Variants in RAB7A observed in about 807,000 individuals in gnomAD.
RAB7A encodes RAB7A, member RAS oncogene family, also known as ras-related protein Rab-7a.
RAB7A carries 2 observed loss-of-function variants against 24.5 expected under a neutral mutation model. That is an observed-to-expected ratio of 0.08 (90% CI 0.03 to 0.26). RAB7A has a LOEUF of 0.26. RAB7A is among the 10% of genes least tolerant of loss of function. The pLI is 1.00. For synonymous variants in RAB7A, 100 were observed against 95.9 expected (o/e 1.04, Z -0.25); for missense variants, 118 against 255.7 (o/e 0.46, Z 3.67).
chr3:128,750,203 T>C (rs897386032), intron 1 of RAB7A, among the ~76,000 whole-genome samples: 1 of 152,222 alleles, frequency 6.6e-6, no homozygotes, highest in African/African-American at 2.4e-5. Flanking sequence ...GCCCCTGACC[T>C]AGAAATTTGT....
At chr3:128,786,336 A>G (rs1933341230) in intron 1 of RAB7A, among the ~76,000 whole-genome samples, 1 of 152,194 alleles carries the variant, frequency 6.6e-6, no homozygotes. Flanking sequence ...TACAACAGAC[A>G]CTGCTGTTCT....
chr3:128,748,203 C>T (rs909417796), intron 1 of RAB7A, among the ~76,000 whole-genome samples: 1 of 152,200 alleles, frequency 6.6e-6, no homozygotes, highest in Non-Finnish European at 1.5e-5. Flanking sequence ...CTAAGATTAT[C>T]GTTGGGGACA....
chr3:128,779,002 A>G (rs943512974), intron 1 of RAB7A, among the ~76,000 whole-genome samples: 10 of 152,248 alleles, frequency 6.6e-5, no homozygotes, highest in Admixed American at 6.5e-4. Flanking sequence ...AAGATGGAAC[A>G]CTGCATAGGA....
intron 1 of RAB7A, among the ~76,000 whole-genome samples, chr3:128,743,886 T>C (rs2107587527): frequency 6.6e-6 from 1 of 151,380 alleles, no homozygotes; most frequent in East Asian, 1.9e-4. Context: ...ATCTCCTGGG[T>C]TCAAGCGATT....
At chr3:128,784,863 T>A (rs764485093) in intron 1 of RAB7A, among the ~76,000 whole-genome samples, 4 of 152,196 alleles carry the variant, frequency 2.6e-5, no homozygotes, top group Non-Finnish European at 5.9e-5. Context: ...ACTTTTGCCC[T>A]TGGTATATGT....
intron 1 of RAB7A, among the ~76,000 whole-genome samples, chr3:128,770,845 T>TA (rs1000250039): frequency 3.3e-5 from 5 of 152,180 alleles, no homozygotes; most frequent in African/African-American, 9.7e-5. Flanking sequence ...ATTTTTTTTT[T>TA]AACATAAAGC....
intron 1 of RAB7A, among the ~76,000 whole-genome samples, chr3:128,788,572 A>AC (rs925468457): frequency 2.6e-5 from 4 of 152,152 alleles, no homozygotes; most frequent in Middle Eastern, 3.4e-3. Flanking sequence ...CTTGGGGCCT[A>AC]CCCCCCATGG....
chr3:128,804,941 G>A (rs1326320124), intron 3 of RAB7A, among the ~76,000 whole-genome samples: 1 of 152,210 alleles, frequency 6.6e-6, no homozygotes, highest in Non-Finnish European at 1.5e-5. Flanking sequence ...CCCATCTGCT[G>A]TTGCCAGAGT....
rs2712400 is a variant in RAB7A at position 128,734,680 on chromosome 3, T to G, written c.-9+8321T>G. Among the ~76,000 whole-genome samples, 7 of 152,192 alleles carry G rather than the reference T, an allele frequency of 4.6e-5. No individual in the cohort carries two copies. The East Asian group carries it at 1.4e-3, about 29-fold the overall frequency. The stretch of plus-strand genomic sequence containing the variant: ...CAACTCTCTTTTTTGGTCAGACACT[T>G]GAGCCCTTAGAATATCACATTCTAT... On this transcript the variant is annotated intron_variant, in intron 1 of 5. Coordinates refer to ENST00000265062, the MANE Select transcript of RAB7A (RefSeq NM_004637.6).
At chr3:128,748,061 C>T (rs894508408) in intron 1 of RAB7A, among the ~76,000 whole-genome samples, 2 of 152,222 alleles carry the variant, frequency 1.3e-5, no homozygotes, top group African/African-American at 2.4e-5. Context: ...AGCCACTGTG[C>T]CCGGCCAGCA....
chr3:128,751,280 A>G (rs2070678723), intron 1 of RAB7A, among the ~76,000 whole-genome samples: 1 of 152,144 alleles, frequency 6.6e-6, no homozygotes, highest in Non-Finnish European at 1.5e-5. Flanking sequence ...AACAGCTTGC[A>G]CCATCCACTT....
intron 3 of RAB7A, among the ~76,000 whole-genome samples, chr3:128,802,661 C>T (rs1195278000): frequency 2.6e-5 from 4 of 151,794 alleles, no homozygotes; most frequent in African/African-American, 9.7e-5. Context: ...GTGTGTGCCA[C>T]CACGCCCAGC....
intron 1 of RAB7A, among the ~76,000 whole-genome samples, chr3:128,767,147 G>T (rs1371073172): frequency 6.6e-6 from 1 of 152,124 alleles, no homozygotes; most frequent in Admixed American, 6.6e-5. Context: ...AATCCGAGTG[G>T]CTCAGCCTCT....
chr3:128,776,945 TACACACACACACACACAC>T (rs71153145), intron 1 of RAB7A, among the ~76,000 whole-genome samples: 48 of 142,448 alleles, frequency 3.4e-4, no homozygotes, highest in African/African-American at 8.0e-4. Flanking sequence ...TTAGTTGAGC[TACACACACACACACACAC>T]ACACACACAC....
At chr3:128,778,251 T>A (rs1283710018) in intron 1 of RAB7A, among the ~76,000 whole-genome samples, 2 of 152,226 alleles carry the variant, frequency 1.3e-5, no homozygotes, top group African/African-American at 2.4e-5. Context: ...TAGCCACCGG[T>A]GGCTAGTAAC....
At chr3:128,792,145 A>C (rs1205157217) in intron 1 of RAB7A, among the ~76,000 whole-genome samples, 1 of 152,234 alleles carries the variant, frequency 6.6e-6, no homozygotes, top group Non-Finnish European at 1.5e-5. Context: ...AGGTGGTCTC[A>C]CGGTCACTGC....
intron 5 of RAB7A, among the ~76,000 whole-genome samples, chr3:128,810,609 G>C (rs1933902736): frequency 6.6e-6 from 1 of 151,008 alleles, no homozygotes; most frequent in Non-Finnish European, 1.5e-5. Flanking sequence ...ACATGAGCAA[G>C]GTGTCTCTGG....
At chr3:128,741,315 A>G (rs982512986) in intron 1 of RAB7A, among the ~76,000 whole-genome samples, 3 of 152,068 alleles carry the variant, frequency 2.0e-5, no homozygotes, top group African/African-American at 4.8e-5. Flanking sequence ...ACATCTGTCA[A>G]TTCATTTTCT....
chr3:128,778,769 A>G (rs1933150234), intron 1 of RAB7A, among the ~76,000 whole-genome samples: 1 of 152,234 alleles, frequency 6.6e-6, no homozygotes, highest in South Asian at 2.1e-4. Flanking sequence ...TAGGCAACCA[A>G]GAAGTTAAGG....
Sources: allele counts gnomAD v4.1 joint callset (sites outside exome capture counted in the v4.1 genomes callset), GRCh38; gene constraint gnomAD v4.1.1; transcripts MANE v1.5; gene names NCBI Gene and HGNC (gene_info 2026-07-23, HGNC 2026-07-21).